The following COL18A1 variants were observed in gnomAD, a reference collection of about 807,000 sequenced individuals.
COL18A1 encodes collagen type XVIII alpha 1 chain, also known as collagen alpha-1(XVIII) chain.
A neutral mutation model predicts 168.0 loss-of-function variants in COL18A1; 133 were observed. The ratio of observed to expected loss-of-function variants is 0.79; its 90% CI spans 0.69 to 0.91. The LOEUF (loss-of-function observed/expected upper bound fraction) is 0.91. Ranked by LOEUF, COL18A1 falls within the 40% of genes least tolerant of loss-of-function variation. COL18A1 has a pLI of 0.00. For missense variants in COL18A1, 2,126 were observed against 1,925.4 expected, an observed-to-expected ratio of 1.10 and a Z score of -1.95; for synonymous variants, 949 against 809.0, an observed-to-expected ratio of 1.17 and a Z score of -2.94.
rs2036635639 is a variant in COL18A1, at chr21:45,498,721, GCA to G, written c.2683+1063_2683+1064del. ...CGACGCCCAGGAAGGAGTGAATGAT[GCA>G]CAGATGACCAGAAACCAGGAGAAGA... On this transcript the variant is annotated intron_variant, in intron 32 of 41. Coordinates refer to ENST00000651438, the MANE Select transcript of COL18A1 (RefSeq NM_001379500.1). The surrounding 1 kb of genome is among the most constrained non-coding windows in gnomAD (Gnocchi z 4.5). 1.6e-6 allele frequency: 1 copy of G among 622,366 alleles called. No individual in the cohort carries two copies. The highest frequency in any genetic ancestry group is 2.6e-5 in the Admixed American group (1 of 37,848). 38.6% of individuals were successfully genotyped at this position (622,366 alleles called of 1,614,324 possible).
At position 45,512,143 on chromosome 21, in the gene COL18A1, G is replaced by A. The variant is rs751532583; in HGVS notation, c.3810-45G>A. The A allele has an allele frequency of 5.1e-6, 8 of 1,579,864 alleles. No individual in the cohort carries two copies. The Admixed American group carries it at 9.0e-5, about 18-fold the overall frequency. ...GCCCGGGGAGCGGCCTCTGCCCTAAGCAGAGCAGGTCTGGGTTTGACTGAC... is the reference window on the plus strand; with the variant it reads ...GCCCGGGGAGCGGCCTCTGCCCTAAACAGAGCAGGTCTGGGTTTGACTGAC... On this transcript the variant is annotated intron_variant, in intron 41 of 41. Coordinates refer to ENST00000651438, the MANE Select transcript of COL18A1 (RefSeq NM_001379500.1).
rs573313779 is a variant in COL18A1 at position 45,457,726 on chromosome 21, T to C, written c.107-10516T>C. On this transcript the variant is annotated intron_variant, in intron 2 of 41. Transcript: ENST00000651438. The surrounding 1 kb of genome is among the most constrained non-coding windows in gnomAD (Gnocchi z 4.6). ...CCTGGCAGCCTTGGCCCAGAGGCCC[T>C]ATCCCCGCAGGGTGAGGTGCTCTGT... 6.6e-6 allele frequency among the ~76,000 whole-genome samples: 1 copy of C among 152,316 alleles called. No homozygotes were observed. Among genetic ancestry groups the C allele is most frequent in the East Asian group, 1.9e-4 (1 of 5,170 alleles).
rs182466812 is a variant in COL18A1, at chr21:45,419,226, C to T, written c.106+13753C>T. On this transcript the variant is annotated intron_variant, in intron 2 of 41. Coordinates refer to ENST00000651438, the MANE Select transcript of COL18A1 (RefSeq NM_001379500.1). ...TGCCGTGTGTGGTGACGTGCAGTTC[C>T]GTGTAGTGACGTGATGCCGTGTGTG... Among the ~76,000 whole-genome samples the T allele has an allele frequency of 8.9e-4, 135 of 151,632 alleles. No homozygotes were observed. In the South Asian group the frequency reaches 0.013, roughly 14 times the overall value.
intron 2 of COL18A1, among the ~76,000 whole-genome samples, chr21:45,433,249 T>A (rs1215314834): frequency 2.6e-5 from 4 of 152,220 alleles, no homozygotes; most frequent in Non-Finnish European, 5.9e-5. Flanking sequence ...ACAGAACATT[T>A]AGTTCAATCT....
Position 45,509,455 on chromosome 21 carries a change from C to T in COL18A1, c.3349C>T (p.Arg1117Trp), listed in dbSNP as rs556925757. ...EHPHPTARPW[R>W]ADDILASPPR... ...CCCCCACCCCACCGCGCGGCCCTGGCGGGCAGATGACATCCTGGCCAGCCC... is the reference window on the plus strand; with the variant it reads ...CCCCCACCCCACCGCGCGGCCCTGGTGGGCAGATGACATCCTGGCCAGCCC... The change falls in exon 39 of 42, where the codon CGG becomes TGG. Residue 1117 changes from arginine (R) to tryptophan (W), a missense_variant. Coordinates refer to ENST00000651438, the MANE Select transcript of COL18A1 (RefSeq NM_001379500.1). The T allele has an allele frequency of 2.1e-5, 32 of 1,533,278 alleles. No individual in the cohort carries two copies. Among genetic ancestry groups the T allele is most frequent in the African/African-American group, 4.1e-5 (3 of 72,898 alleles). The allele number at this position is 1,533,278 out of a possible 1,614,324, so 95.0% of individuals were successfully genotyped here.
In COL18A1 at chr21:45,513,083, A is replaced by G. The variant is rs1205928875; in HGVS notation, c.*685A>G. On this transcript the variant is annotated 3_prime_UTR_variant, in exon 42 of 42. Coordinates refer to ENST00000651438, the MANE Select transcript of COL18A1 (RefSeq NM_001379500.1). Reference sequence around the variant, plus strand: ...ACAGCAGCCTGGGGCTGGCCTCCCAAATGAGCCATGAGATGATACATCCAA... The same window carrying G: ...ACAGCAGCCTGGGGCTGGCCTCCCAGATGAGCCATGAGATGATACATCCAA... The G allele has an allele frequency of 6.5e-6, 1 of 154,638 alleles. No individual in the cohort carries two copies. The highest frequency in any genetic ancestry group is 1.4e-5 in the Non-Finnish European group (1 of 69,704). 9.6% of individuals were successfully genotyped at this position (154,638 alleles called of 1,614,324 possible). A position where few individuals can be genotyped will look rare whatever the true frequency, so the allele number is the denominator to read the frequency against.
At chr21:45,419,979 C>T (rs1341533624) in intron 2 of COL18A1, 2 of 152,316 alleles carry the variant, frequency 1.3e-5, no homozygotes, top group East Asian at 1.9e-4. Context: ...AATTTGTTTC[C>T]ATCCTTTCAT....
intron 39 of COL18A1, 84 bp from the exon 40 acceptor site, chr21:45,509,980 G>C (rs1484982781): frequency 6.8e-7 from 1 of 1,460,976 alleles, no homozygotes; most frequent in Non-Finnish European, 9.2e-7. Flanking sequence ...GTCCACACAG[G>C]TGCGGGGCCG....
At chr21:45,497,981 C>G (rs914891284) in intron 32 of COL18A1, among the ~76,000 whole-genome samples, 1 of 152,212 alleles carries the variant, frequency 6.6e-6, no homozygotes, top group Admixed American at 6.5e-5. Context: ...GAGATGCCCC[C>G]TCCCCTCCAC....
At chr21:45,439,851 G>A (rs912096400) in intron 2 of COL18A1, among the ~76,000 whole-genome samples, 3 of 152,266 alleles carry the variant, frequency 2.0e-5, no homozygotes, top group African/African-American at 7.2e-5. Context: ...AGCCTGTGAA[G>A]TCCATTACAG....
At chr21:45,485,706 G>A (rs933638644) in intron 15 of COL18A1, among the ~76,000 whole-genome samples, 1 of 152,180 alleles carries the variant, frequency 6.6e-6, no homozygotes, top group Non-Finnish European at 1.5e-5. Flanking sequence ...GAGACAGGAG[G>A]CAGTCGAGGA....
intron 27 of COL18A1, 135 bp from the exon 28 acceptor site, chr21:45,494,727 C>T: frequency 2.3e-6 from 3 of 1,308,468 alleles, no homozygotes; most frequent in Admixed American, 1.9e-5. Context: ...CGTGAGGCTG[C>T]AGTGGGCTCC....
chr21:45,444,064 C>T (rs939671372), intron 2 of COL18A1, among the ~76,000 whole-genome samples: 1 of 152,210 alleles, frequency 6.6e-6, no homozygotes, highest in Non-Finnish European at 1.5e-5. Context: ...GCCACGCTGT[C>T]GCTCTCTCTT....
At chr21:45,452,849 GTA>G (rs375929037) in intron 2 of COL18A1, among the ~76,000 whole-genome samples, 2,800 of 134,560 alleles carry the variant, frequency 0.021, 102 homozygotes, top group African/African-American at 0.073. Context: ...AAACATGTAT[GTA>G]TGTGTGGGGC....
At chr21:45,508,332 T>G (rs1363645028) in intron 38 of COL18A1, among the ~76,000 whole-genome samples, 1 of 148,476 alleles carries the variant, frequency 6.7e-6, no homozygotes, top group Non-Finnish European at 1.5e-5. Context: ...AGTGGATAGA[T>G]GGGCAGATGG....
chr21:45,479,562 CAT>C (rs780237491), intron 9 of COL18A1, among the ~76,000 whole-genome samples: 25 of 114,714 alleles, frequency 2.2e-4, no homozygotes, highest in African/African-American at 7.5e-5. Flanking sequence ...ACATATCACA[CAT>C]GTACACACCA....
intron 2 of COL18A1, chr21:45,424,266 G>A (rs2033713904): frequency 6.6e-6 from 1 of 152,234 alleles, no homozygotes; most frequent in Admixed American, 6.5e-5. Flanking sequence ...TGCCTCTGTG[G>A]TGGGCCCTGG....
At chr21:45,411,717 T>C (rs1223860043) in intron 2 of COL18A1, among the ~76,000 whole-genome samples, 2 of 133,100 alleles carry the variant, frequency 1.5e-5, no homozygotes, top group Non-Finnish European at 3.1e-5. Flanking sequence ...TTCTCACAGC[T>C]CTTATCTTGG....
chr21:45,495,329 C>T (rs773658391), intron 28 of COL18A1, 29 bp from the exon 29 acceptor site: 3 of 1,574,696 alleles, frequency 1.9e-6, no homozygotes, highest in Admixed American at 3.5e-5. Flanking sequence ...CAGTGCCCAG[C>T]AGTCCCCACC....
Sources: gnomAD v4.1 joint callset for allele counts (sites outside exome capture counted in the v4.1 genomes callset) on GRCh38, gnomAD v4.1.1 for gene constraint, Gnocchi (gnomAD v3.1) non-coding constraint, MANE v1.5 for transcripts, NCBI Gene and HGNC (gene_info 2026-07-23, HGNC 2026-07-21) for gene names.